SENP2: variants seen among roughly 807,000 people sequenced by gnomAD.
The protein encoded by SENP2 is SUMO specific peptidase 2.
SENP2 carries 16 observed loss-of-function variants against 86.3 expected under a neutral mutation model. The observed-to-expected ratio is 0.19, with a 90% confidence interval of 0.13 to 0.28. The LOEUF is 0.28. Among genes scored for constraint, SENP2 ranks in the 10% least tolerant of loss-of-function variants. The probability of loss-of-function intolerance (pLI) is 1.00; values close to 1 mark genes in which losing one functional copy is unlikely to be tolerated. For synonymous variants in SENP2, 222 were observed against 238.7 expected, an observed-to-expected ratio of 0.93 and a Z score of 0.64; for missense variants, 552 against 703.0, an observed-to-expected ratio of 0.79 and a Z score of 2.43.
chr3:185,596,830 G>C (rs1722192050), intron 2 of SENP2, among the ~76,000 whole-genome samples: 1 of 152,042 alleles, frequency 6.6e-6, no homozygotes, highest in African/African-American at 2.4e-5. Flanking sequence ...CCTCACCTCT[G>C]TGGTAAAAGT....
rs1218870255 is a variant in SENP2 at position 185,631,955 on chromosome 3, CATA to C, written c.*2114_*2116del. The C allele has an allele frequency of 6.6e-6, 1 of 151,678 alleles. No homozygotes were observed. Among genetic ancestry groups the C allele is most frequent in the Non-Finnish European group, 1.5e-5 (1 of 67,978 alleles). The allele number at this position is 151,678 out of a possible 1,614,324, so 9.4% of individuals were successfully genotyped here. Reference sequence around the variant, plus strand: ...CGGACGGCTCTTAAAACTTGCAGGACATAATGAAATTGGGAAGAGCAGAGTGTT... The same window carrying C: ...CGGACGGCTCTTAAAACTTGCAGGACATGAAATTGGGAAGAGCAGAGTGTT... On this transcript the variant is annotated 3_prime_UTR_variant, in exon 17 of 17. Coordinates refer to ENST00000296257, the MANE Select transcript of SENP2 (RefSeq NM_021627.3).
At chr3:185,590,419 G>A (rs996372203) in intron 2 of SENP2, among the ~76,000 whole-genome samples, 4 of 151,602 alleles carry the variant, frequency 2.6e-5, no homozygotes, top group South Asian at 4.2e-4. Flanking sequence ...GTGGTGGCAG[G>A]AGCTTGTAAT....
intron 6 of SENP2, among the ~76,000 whole-genome samples, chr3:185,608,328 T>C (rs1722582193): frequency 6.6e-6 from 1 of 152,216 alleles, no homozygotes; most frequent in Non-Finnish European, 1.5e-5. Context: ...GCAGAAGATA[T>C]ACTCTAGAAA....
intron 5 of SENP2, among the ~76,000 whole-genome samples, chr3:185,603,657 G>A (rs954150411): frequency 2.6e-5 from 4 of 152,168 alleles, no homozygotes; most frequent in African/African-American, 9.7e-5. Context: ...AAAAGTTCCT[G>A]AATTTGGTGA....
intron 9 of SENP2, 80 bp downstream of exon 9, chr3:185,612,738 TTC>T: frequency 2.0e-6 from 2 of 1,007,886 alleles, no homozygotes; most frequent in Non-Finnish European, 1.5e-6. Flanking sequence ...GAGTAAGCAG[TTC>T]TGAGGAATTG....
rs59565990 is a variant in SENP2 at position 185,587,732 on chromosome 3, A to ATTTTTT, written c.101+1233_101+1238dup. 5.5e-4 allele frequency among the ~76,000 whole-genome samples: 40 copies of ATTTTTT among 73,004 alleles called. 1 individual carries two copies. In the South Asian group the frequency reaches 6.1e-3, roughly 11 times the overall value. 47.9% of individuals were successfully genotyped at this position (73,004 alleles called of 152,430 possible). On this transcript the variant is annotated intron_variant, in intron 1 of 16. Transcript: ENST00000296257. ...CAGGCGCCCGCCACCATGCCCGGCT[A>ATTTTTT]TTTTTTTTTTTTTTTTTTTTGAGAC... is the stretch of plus-strand genomic sequence containing the variant.
intron 6 of SENP2, chr3:185,606,791 A>G: frequency 1.9e-6 from 1 of 521,130 alleles, no homozygotes; most frequent in Non-Finnish European, 3.7e-6. Flanking sequence ...TGAGTCTGTG[A>G]CAGGATCAAG....
chr3:185,602,780 C>T (rs1310853493), intron 5 of SENP2, among the ~76,000 whole-genome samples: 3 of 126,088 alleles, frequency 2.4e-5, no homozygotes, highest in African/African-American at 9.4e-5. Flanking sequence ...GTGCAGTGAG[C>T]TAAGATTACA....
intron 1 of SENP2, among the ~76,000 whole-genome samples, chr3:185,588,731 C>G (rs1207227154): frequency 1.3e-5 from 2 of 152,128 alleles, no homozygotes; most frequent in African/African-American, 4.8e-5. Flanking sequence ...GTGTAAAGTG[C>G]CTAAACTGAT....
chr3:185,610,243 C>A (rs900000031), intron 7 of SENP2, among the ~76,000 whole-genome samples: 1 of 144,774 alleles, frequency 6.9e-6, no homozygotes, highest in Non-Finnish European at 1.5e-5. Context: ...TCACTGCAAT[C>A]TCCGCTTCCT....
intron 1 of SENP2, among the ~76,000 whole-genome samples, chr3:185,588,325 G>A (rs1246573007): frequency 1.3e-5 from 2 of 149,682 alleles, no homozygotes; most frequent in African/African-American, 4.9e-5. Context: ...GATTACAGGC[G>A]TGAGCCACCG....
At position 185,626,320 on chromosome 3, in the gene SENP2, G is replaced by C. The variant is rs1216611084; in HGVS notation, c.1634G>C (p.Gly545Ala). ...KPHEIPQQLN[G>A]SDCGMFTCKY... ...TAGGAGATTCCTCAACAGCTGAATG[G>C]GAGTGATTGTGGAATGTTTACTTGT... The change falls in exon 16 of 17, where the codon GGG becomes GCG. Residue 545 changes from glycine (G) to alanine (A), a missense_variant. Physicochemically the swap from Gly to Ala is moderately conservative, Grantham distance 60 (BLOSUM62 0). Coordinates refer to ENST00000296257, the MANE Select transcript of SENP2 (RefSeq NM_021627.3). 14 of 1,610,484 alleles carry C rather than the reference G, an allele frequency of 8.7e-6. No homozygotes were observed. Among genetic ancestry groups the C allele is most frequent in the African/African-American group, 2.7e-5 (2 of 74,818 alleles).
Position 185,598,507 on chromosome 3 carries a change from G to A in SENP2, c.253G>A (p.Ala85Thr). Residue 85 changes from alanine to threonine, a missense_variant, in exon 3 of 17, where the codon GCT becomes ACT. Physicochemically the swap from Ala to Thr is moderately conservative, Grantham distance 58 (BLOSUM62 0). This residue lies in a region of SENP2 where 383 missense variants were observed against 427.3 expected (regional missense o/e 0.90). Transcript: ENST00000296257. ...GACCACAAAGCCCATGGTAACTTCT[G>A]CTTGTAATGGAACACGGAATGTGGC... ...QLTTKPMVTSACNGTRNVAPS... is the reference protein window; with the variant it reads ...QLTTKPMVTSTCNGTRNVAPS... The A allele has an allele frequency of 6.2e-7, 1 of 1,614,058 alleles. No homozygotes were observed. The highest frequency in any genetic ancestry group is 8.5e-7 in the Non-Finnish European group (1 of 1,180,016).
intron 4 of SENP2, 126 bp downstream of exon 4, chr3:185,599,150 T>C: frequency 1.5e-6 from 1 of 670,264 alleles, no homozygotes; most frequent in Non-Finnish European, 2.6e-6. Context: ...TTTCTACCGT[T>C]CTAAAAAGCA....
intron 2 of SENP2, among the ~76,000 whole-genome samples, chr3:185,597,191 G>A (rs1179085236): frequency 6.6e-6 from 1 of 151,904 alleles, no homozygotes; most frequent in East Asian, 1.9e-4. Context: ...CTGCTTAAAA[G>A]TTGTCATTTC....
chr3:185,587,469 G>A (rs1721823056), intron 1 of SENP2, among the ~76,000 whole-genome samples: 1 of 151,988 alleles, frequency 6.6e-6, no homozygotes, highest in Non-Finnish European at 1.5e-5. Flanking sequence ...ACTCTTTGGA[G>A]TGTCCCATTT....
At position 185,629,936 on chromosome 3, in the gene SENP2, C is replaced by A; in HGVS notation, c.*92C>A. ...ATTGTGGGTTAAAAAGTCCCTGCAT[C>A]ACTTCTGTTCTCACAGGTACTGAGC... On this transcript the variant is annotated 3_prime_UTR_variant, in exon 17 of 17. Coordinates refer to ENST00000296257, the MANE Select transcript of SENP2 (RefSeq NM_021627.3). The A allele has an allele frequency of 1.6e-6, 2 of 1,251,024 alleles. No homozygotes were observed. Among genetic ancestry groups the A allele is most frequent in the Non-Finnish European group, 2.3e-6 (2 of 858,814 alleles). The allele number at this position is 1,251,024 out of a possible 1,614,324, so 77.5% of individuals were successfully genotyped here. A position where few individuals can be genotyped will look rare whatever the true frequency, so the allele number is the denominator to read the frequency against.
intron 15 of SENP2, among the ~76,000 whole-genome samples, chr3:185,625,285 G>A (rs1279920053): frequency 6.6e-6 from 1 of 151,918 alleles, no homozygotes; most frequent in Non-Finnish European, 1.5e-5. Context: ...CTAATTTTTT[G>A]TATTTTTAGT....
chr3:185,612,716 A>G, intron 9 of SENP2, 58 bp downstream of exon 9: 1 of 1,279,016 alleles, frequency 7.8e-7, no homozygotes, highest in Non-Finnish European at 1.1e-6. Flanking sequence ...TTACTTTATA[A>G]GCTGTATTTA....
Sources: allele counts gnomAD v4.1 joint callset (sites outside exome capture counted in the v4.1 genomes callset), GRCh38; gene constraint gnomAD v4.1.1; regional missense constraint gnomAD v4.1.1; transcripts MANE v1.5; gene names NCBI Gene and HGNC (gene_info 2026-07-23, HGNC 2026-07-21).